The following MGA variants were observed in gnomAD, a reference collection of about 807,000 sequenced individuals.
MGA encodes the protein MAX gene-associated protein.
Under a neutral mutation model 261.1 loss-of-function variants are expected in MGA, and 40 were observed. That is an observed-to-expected ratio of 0.15 (90% confidence interval 0.12 to 0.20). The LOEUF (loss-of-function observed/expected upper bound fraction) is 0.20, where lower values mean the gene tolerates loss of function less well. Ranked by LOEUF, MGA falls within the 10% of genes least tolerant of loss-of-function variation. The pLI, the probability that MGA is intolerant of heterozygous loss-of-function variation, is 1.00. For synonymous variants in MGA, 1,302 were observed against 1,290.6 expected, an observed-to-expected ratio of 1.01 and a Z score of -0.19; for missense variants, 3,397 against 3,630.5, an observed-to-expected ratio of 0.94 and a Z score of 1.65.
chr15:41,738,560 CAG>C (rs1477036829), intron 13 of MGA, among the ~76,000 whole-genome samples: 2 of 152,104 alleles, frequency 1.3e-5, no homozygotes, highest in Non-Finnish European at 1.5e-5. Context: ...ACTTTGAAAA[CAG>C]AGGTTTGCCT....
intron 12 of MGA, among the ~76,000 whole-genome samples, chr15:41,735,278 A>G (rs1358586804): frequency 3.9e-5 from 6 of 152,214 alleles, no homozygotes; most frequent in African/African-American, 1.2e-4. Flanking sequence ...AAAGAAATCC[A>G]GGAGTCTAGT....
rs1491343951 is a variant in MGA at position 41,623,776 on chromosome 15, T to TA, written c.-68+2478_-68+2479insA. Among the ~76,000 whole-genome samples the TA allele has an allele frequency of 0.021, 301 of 14,454 alleles. No homozygotes were observed. In the Middle Eastern group the frequency reaches 0.25, roughly 12 times the overall value. The allele number at this position is 14,454 out of a possible 152,430, so 9.5% of individuals were successfully genotyped here. ...TGAATTATTTATATATATATATATA[T>TA]TTTTTTTTTTTTTTTGAGAGGGAGT... On this transcript the variant is annotated intron_variant, in intron 1 of 8. Coordinates refer to the MGA transcript ENST00000566718.
chr15:41,625,354 TC>T (rs1445975594), intron 1 of MGA, among the ~76,000 whole-genome samples: 2 of 151,664 alleles, frequency 1.3e-5, no homozygotes, highest in Non-Finnish European at 2.9e-5. Context: ...GTTTAGGAGA[TC>T]CAGTAATCAG....
At chr15:41,627,951 T>C (rs950429971) in intron 1 of MGA, among the ~76,000 whole-genome samples, 51 of 152,308 alleles carry the variant, frequency 3.3e-4, no homozygotes, top group African/African-American at 1.2e-3. Flanking sequence ...TTAGGTAATA[T>C]CTTACAATTC....
At chr15:41,716,347 C>G (rs200283506) in intron 9 of MGA, among the ~76,000 whole-genome samples, 8 of 151,438 alleles carry the variant, frequency 5.3e-5, no homozygotes, top group South Asian at 2.1e-4. Context: ...CCAGCTACTC[C>G]GGAGGCTGAG....
In MGA at chr15:41,624,193, T is replaced by C. The variant is rs930949690; in HGVS notation, c.-68+2895T>C. On this transcript the variant is annotated intron_variant, in intron 1 of 8. Coordinates refer to the MGA transcript ENST00000566718. The stretch of plus-strand genomic sequence containing the variant: ...AGTTCTCCTGCCTCAGCCTCCCAAG[T>C]AGCTGGGATTATAGGTGCAGGCCAC... Among the ~76,000 whole-genome samples the C allele has an allele frequency of 9.5e-4, 144 of 152,034 alleles. 1 individual carries two copies. The highest frequency in any genetic ancestry group is 3.3e-3 in the African/African-American group (136 of 41,480).
At chr15:41,624,955 A>G (rs2140916789) in intron 1 of MGA, among the ~76,000 whole-genome samples, 1 of 152,266 alleles carries the variant, frequency 6.6e-6, no homozygotes, top group Middle Eastern at 3.4e-3. Flanking sequence ...CAGCCTGGGT[A>G]ACAGAGTGAG....
intron 1 of MGA, among the ~76,000 whole-genome samples, chr15:41,624,104 G>T (rs1320387775): frequency 8.1e-5 from 12 of 148,964 alleles, no homozygotes; most frequent in Non-Finnish European, 1.5e-4. Context: ...TCACTCTGTG[G>T]CCCAGGCTGG....
At chr15:41,752,788 C>A (rs1362556041) in intron 17 of MGA, among the ~76,000 whole-genome samples, 1 of 152,026 alleles carries the variant, frequency 6.6e-6, no homozygotes, top group African/African-American at 2.4e-5. Flanking sequence ...GAACTCCTGA[C>A]CTCAGGTGAT....
intron 5 of MGA, 51 bp downstream of exon 5, chr15:41,699,210 C>T: frequency 3.4e-6 from 4 of 1,188,200 alleles, no homozygotes; most frequent in South Asian, 3.1e-5. Context: ...TCTTTCTTCC[C>T]TACTGTTTCT....
intron 2 of MGA, among the ~76,000 whole-genome samples, chr15:41,677,727 A>G (rs1277371569): frequency 1.3e-5 from 2 of 152,142 alleles, no homozygotes; most frequent in Admixed American, 1.3e-4. Flanking sequence ...TTTATTTACC[A>G]TTTGTATAAG....
chr15:41,649,668 CTTGT>C lies in MGA; in HGVS notation c.-67-19137_-67-19134del, dbSNP rs200184779. 2.0e-3 allele frequency among the ~76,000 whole-genome samples: 307 copies of C among 151,806 alleles called. 3 individuals are homozygous for C. The highest frequency in any genetic ancestry group is 0.01 in the South Asian group (50 of 4,804). On this transcript the variant is annotated intron_variant, in intron 1 of 8. Transcript: ENST00000566718. ...GTCTTATTGTCATCTTCCACACCAT[CTTGT>C]TTGTTTGTTTGTTTGTTTGTTTATT...
At chr15:41,730,659 C>A (rs565560143) in intron 11 of MGA, among the ~76,000 whole-genome samples, 8 of 152,226 alleles carry the variant, frequency 5.3e-5, no homozygotes, top group Admixed American at 4.6e-4. Flanking sequence ...CAGCTTTTTT[C>A]AGTATAATAA....
At chr15:41,745,449 CTT>C (rs200588459) in intron 15 of MGA, among the ~76,000 whole-genome samples, 1 of 149,682 alleles carries the variant, frequency 6.7e-6, no homozygotes, top group African/African-American at 2.5e-5. Context: ...GCTTTGCTGT[CTT>C]TTTTTTTAAA....
intron 2 of MGA, among the ~76,000 whole-genome samples, chr15:41,679,846 T>G (rs1187180312): frequency 6.6e-6 from 1 of 151,446 alleles, no homozygotes; most frequent in African/African-American, 2.4e-5. Flanking sequence ...TTTGAATATG[T>G]TTTTTTTTCT....
At chr15:41,709,820 C>T (rs3986291) in intron 7 of MGA, among the ~76,000 whole-genome samples, 108,631 of 142,164 alleles carry the variant, frequency 0.76, 42,051 homozygotes, top group East Asian at 0.89. Context: ...ATGTGTTTTT[C>T]TTTTCTTTTC....
In MGA at chr15:41,713,443, GGGA is replaced by G. The variant is rs1212043644; in HGVS notation, c.3387_3389del (p.Glu1130del). On this transcript the variant is annotated inframe_deletion, in exon 9 of 24. Coordinates refer to ENST00000219905, the MANE Select transcript of MGA (RefSeq NM_001164273.2). ...GCAAGGGAGGAGGAAGAAGGAATCA[GGGA>G]GGAGGAGGAACAATTGAAAGAGAAA... The G allele has an allele frequency of 3.2e-6, 5 of 1,562,924 alleles. No individual in the cohort carries two copies. The highest frequency in any genetic ancestry group is 1.2e-5 in the South Asian group (1 of 86,014).
At chr15:41,724,745 A>C (rs923992012) in intron 9 of MGA, among the ~76,000 whole-genome samples, 1 of 152,210 alleles carries the variant, frequency 6.6e-6, no homozygotes, top group South Asian at 2.1e-4. Flanking sequence ...TAAATTTTAA[A>C]AGGTAGTTGA....
At chr15:41,666,126 C>T (rs2057723382) in intron 1 of MGA, among the ~76,000 whole-genome samples, 1 of 151,522 alleles carries the variant, frequency 6.6e-6, no homozygotes, top group Admixed American at 6.6e-5. Flanking sequence ...AACTCTTGAC[C>T]TCAAACGTTA....
Sources: allele counts gnomAD v4.1 joint callset (sites outside exome capture counted in the v4.1 genomes callset), GRCh38; gene constraint gnomAD v4.1.1; transcripts MANE v1.5; gene names NCBI Gene and HGNC (gene_info 2026-07-23, HGNC 2026-07-21).